Variants in UBE2D3 observed in about 807,000 individuals in gnomAD.
UBE2D3 encodes the protein ubiquitin-conjugating enzyme E2 D3.
In UBE2D3, 2 loss-of-function variants were observed where a neutral mutation model predicts 22.8. The ratio of observed to expected loss-of-function variants is 0.09; its 90% CI spans 0.04 to 0.28. The LOEUF (loss-of-function observed/expected upper bound fraction) is 0.28. UBE2D3 is among the 10% of genes least tolerant of loss of function. UBE2D3 has a pLI of 1.00. For synonymous variants in UBE2D3, 56 were observed against 60.4 expected, an observed-to-expected ratio of 0.93 and a Z score of 0.34; for missense variants, 27 against 182.5, an observed-to-expected ratio of 0.15 and a Z score of 4.91.
intron 4 of UBE2D3, chr4:102,809,266 A>T (rs1727570609): frequency 3.9e-6 from 1 of 256,542 alleles, no homozygotes; most frequent in African/African-American, 2.3e-5. Flanking sequence ...AAATATCAAA[A>T]TACAATTAAG....
At chr4:102,853,287 C>T (rs1230895802) in intron 1 of UBE2D3, among the ~76,000 whole-genome samples, 1 of 151,488 alleles carries the variant, frequency 6.6e-6, no homozygotes, top group African/African-American at 2.4e-5. Context: ...GGACTACAGG[C>T]GCCCGCCACT....
Position 102,827,412 on chromosome 4 carries a change from C to T in UBE2D3, c.-129+15G>A, listed in dbSNP as rs375448629. 6.1e-5 allele frequency: 60 copies of T among 986,180 alleles called. No homozygotes were observed. The East Asian group carries it at 2.7e-3, about 45-fold the overall frequency. The allele number at this position is 986,180 out of a possible 1,614,324, so 61.1% of individuals were successfully genotyped here. On this transcript the variant is annotated intron_variant, in intron 1 of 7. Coordinates refer to ENST00000453744, the MANE Select transcript of UBE2D3 (RefSeq NM_181891.3). ...GCCTCCCTTCCCTGCCCTAGCCGTC[C>T]ACACCCACGCGTACAGAGGGGCCGG...
chr4:102,804,797 C>G (rs1030405130), intron 4 of UBE2D3, among the ~76,000 whole-genome samples: 4 of 152,150 alleles, frequency 2.6e-5, no homozygotes, highest in Admixed American at 2.0e-4. Flanking sequence ...ACCTCACCCT[C>G]CCGAGTAGCT....
chr4:102,801,576 T>G lies in UBE2D3; in HGVS notation c.199-17A>C, dbSNP rs1255751181. 10 of 1,559,568 alleles carry G rather than the reference T, an allele frequency of 6.4e-6. No homozygotes were observed. The highest frequency in any genetic ancestry group is 8.7e-6 in the Non-Finnish European group (10 of 1,144,238). Reference sequence around the variant, plus strand: ...AAATGCAACCTAAAACAAAAACTTTTAAGTATTTTATTCAAATAAAAACAA... The same window carrying G: ...AAATGCAACCTAAAACAAAAACTTTGAAGTATTTTATTCAAATAAAAACAA... On this transcript the variant is annotated splice_polypyrimidine_tract_variant and intron_variant, in intron 5 of 7. Coordinates refer to ENST00000453744, the MANE Select transcript of UBE2D3 (RefSeq NM_181891.3).
chr4:102,807,288 AAAG>A lies in UBE2D3; in HGVS notation c.120+2381_120+2383del, dbSNP rs564681847. 5.9e-5 allele frequency among the ~76,000 whole-genome samples: 9 copies of A among 152,356 alleles called. No individual in the cohort carries two copies. The South Asian group carries it at 1.9e-3, about 32-fold the overall frequency. ...ATCTTATACAGTGATGCTTTGTCAC[AAAG>A]AAGTATTGAGAAGCCAAAAGAACAA... On this transcript the variant is annotated intron_variant, in intron 4 of 7. Coordinates refer to ENST00000453744, the MANE Select transcript of UBE2D3 (RefSeq NM_181891.3).
intron 7 of UBE2D3, among the ~76,000 whole-genome samples, chr4:102,797,980 G>A (rs55676516): frequency 1.2e-3 from 184 of 151,716 alleles, no homozygotes; most frequent in African/African-American, 3.9e-3. Flanking sequence ...GATGACACTG[G>A]GCAGAATGAC....
At chr4:102,818,966 C>CA (rs1729155477) in intron 2 of UBE2D3, among the ~76,000 whole-genome samples, 1 of 152,066 alleles carries the variant, frequency 6.6e-6, no homozygotes, top group Admixed American at 6.5e-5. Context: ...CAACCACAGG[C>CA]TACAAAGAAC....
At chr4:102,806,430 C>T (rs1309358394) in intron 4 of UBE2D3, among the ~76,000 whole-genome samples, 4 of 151,904 alleles carry the variant, frequency 2.6e-5, no homozygotes, top group South Asian at 4.2e-4. Flanking sequence ...AGCTCCTCAA[C>T]GAGTAAGGTT....
At chr4:102,802,753 C>A in intron 4 of UBE2D3, 115 bp from the exon 5 acceptor site, 1 of 648,200 alleles carries the variant, frequency 1.5e-6, no homozygotes, top group Non-Finnish European at 2.4e-6. Context: ...ATTTACACTG[C>A]AATAAATAAT....
chr4:102,825,698 A>G, intron 2 of UBE2D3: 3 of 743,052 alleles, frequency 4.0e-6, no homozygotes, highest in African/African-American at 1.8e-5. Flanking sequence ...GTGTTATTAA[A>G]TAGAATGAGG....
At chr4:102,812,531 T>C (rs984394221) in intron 2 of UBE2D3, 1 of 152,202 alleles carries the variant, frequency 6.6e-6, no homozygotes, top group Non-Finnish European at 1.5e-5. Flanking sequence ...ATTAGAATCA[T>C]TGAATAGATA....
At chr4:102,817,890 T>C (rs918664084) in intron 2 of UBE2D3, among the ~76,000 whole-genome samples, 11 of 152,174 alleles carry the variant, frequency 7.2e-5, no homozygotes, top group African/African-American at 2.7e-4. Flanking sequence ...TCTACGATAG[T>C]CACCTAACAA....
chr4:102,834,841 C>A (rs1271422335), intron 1 of UBE2D3, among the ~76,000 whole-genome samples: 1 of 151,816 alleles, frequency 6.6e-6, no homozygotes, highest in African/African-American at 2.4e-5. Flanking sequence ...TGCAGTGGCA[C>A]CATCTTGGCT....
intron 1 of UBE2D3, among the ~76,000 whole-genome samples, chr4:102,868,104 GCT>G (rs1733251355): frequency 8.4e-6 from 1 of 119,428 alleles, no homozygotes; most frequent in Non-Finnish European, 1.6e-5. Flanking sequence ...ACGGAGTCTT[GCT>G]CTGTCTCCCA....
intron 1 of UBE2D3, among the ~76,000 whole-genome samples, chr4:102,838,554 G>C (rs1326180846): frequency 6.6e-6 from 1 of 152,054 alleles, no homozygotes; most frequent in Non-Finnish European, 1.5e-5. Flanking sequence ...TCAGTTAGAT[G>C]GAGAGTTTAC....
At chr4:102,825,660 A>C (rs996390182) in intron 2 of UBE2D3, 6 of 958,972 alleles carry the variant, frequency 6.3e-6, no homozygotes, top group Middle Eastern at 2.4e-4. Flanking sequence ...ATATACTATC[A>C]AACCACATTT....
intron 2 of UBE2D3, among the ~76,000 whole-genome samples, chr4:102,822,387 C>A (rs934811376): frequency 6.6e-6 from 1 of 152,146 alleles, no homozygotes; most frequent in African/African-American, 2.4e-5. Flanking sequence ...TAGTTGGGGA[C>A]AATAAATATA....
intron 1 of UBE2D3, among the ~76,000 whole-genome samples, chr4:102,863,836 C>G (rs188961074): frequency 3.3e-5 from 5 of 152,180 alleles, no homozygotes; most frequent in Admixed American, 3.3e-4. Context: ...TCAAACAAAC[C>G]ACATCTAGAG....
chr4:102,799,837 G>T (rs895739588), intron 6 of UBE2D3, among the ~76,000 whole-genome samples: 3 of 146,604 alleles, frequency 2.0e-5, no homozygotes, highest in South Asian at 2.3e-4. Flanking sequence ...GTGGCTGGGG[G>T]GGGGGGGACT....
Sources: gnomAD v4.1 joint callset for allele counts (sites outside exome capture counted in the v4.1 genomes callset) on GRCh38, gnomAD v4.1.1 for gene constraint, MANE v1.5 for transcripts, NCBI Gene and HGNC (gene_info 2026-07-23, HGNC 2026-07-21) for gene names.